The following ERBB4 variants were observed in gnomAD, a reference collection of about 807,000 sequenced individuals.
The protein encoded by ERBB4 is erb-b2 receptor tyrosine kinase 4, also known as receptor tyrosine-protein kinase erbB-4.
In ERBB4, 42 loss-of-function variants were observed where a neutral mutation model predicts 158.0. That is an observed-to-expected ratio of 0.27 (90% CI 0.21 to 0.34). The LOEUF is 0.34. Among genes scored for constraint, ERBB4 ranks in the 10% least tolerant of loss-of-function variants. The probability of loss-of-function intolerance (pLI) is 1.00; values close to 1 mark genes in which losing one functional copy is unlikely to be tolerated. For synonymous variants in ERBB4, 583 were observed against 558.7 expected (o/e 1.04, Z -0.61); for missense variants, 1,333 against 1,624.1 (o/e 0.82, Z 3.08).
At chr2:211,623,037 AT>A (rs1281657774) in intron 18 of ERBB4, among the ~76,000 whole-genome samples, 2 of 107,338 alleles carry the variant, frequency 1.9e-5, no homozygotes, top group South Asian at 3.4e-4. Flanking sequence ...ATATATATAT[AT>A]ATATATAAAA....
intron 1 of ERBB4, among the ~76,000 whole-genome samples, chr2:212,373,500 A>G (rs1309391034): frequency 5.3e-5 from 8 of 151,896 alleles, no homozygotes; most frequent in African/African-American, 1.9e-4. Context: ...CTCAAGGATT[A>G]TTTCAGAATT....
chr2:212,350,214 TA>T (rs2089193213), intron 1 of ERBB4, among the ~76,000 whole-genome samples: 1 of 152,278 alleles, frequency 6.6e-6, no homozygotes, highest in East Asian at 1.9e-4. Context: ...ATGTGTGATA[TA>T]TTCTTTATGT....
chr2:211,604,822 C>T (rs771427770), intron 19 of ERBB4, among the ~76,000 whole-genome samples: 1 of 152,040 alleles, frequency 6.6e-6, no homozygotes, highest in Non-Finnish European at 1.5e-5. Flanking sequence ...ATAGAAATAC[C>T]TTAAAACCTT....
At chr2:212,215,482 T>C (rs1025112324) in intron 1 of ERBB4, among the ~76,000 whole-genome samples, 1 of 151,468 alleles carries the variant, frequency 6.6e-6, no homozygotes, top group African/African-American at 2.4e-5. Flanking sequence ...AAATGAGTTA[T>C]GATTTCTTAA....
intron 20 of ERBB4, among the ~76,000 whole-genome samples, chr2:211,447,008 A>T (rs1816531): frequency 0.35 from 52,844 of 152,032 alleles, 9,718 homozygotes; most frequent in Non-Finnish European, 0.4. Context: ...GAAAGCGTAA[A>T]ACAACAAAGC....
At chr2:212,288,787 AG>A (rs1413131082) in intron 1 of ERBB4, among the ~76,000 whole-genome samples, 2 of 152,052 alleles carry the variant, frequency 1.3e-5, no homozygotes, top group Non-Finnish European at 2.9e-5. Flanking sequence ...TCTTGATCTA[AG>A]GCCCTGGGAA....
At chr2:212,011,650 T>C (rs1261508159) in intron 2 of ERBB4, among the ~76,000 whole-genome samples, 1 of 151,660 alleles carries the variant, frequency 6.6e-6, no homozygotes, top group African/African-American at 2.4e-5. Flanking sequence ...CTCAGGAGGC[T>C]GAGGCAGGAG....
At chr2:211,983,641 T>C (rs1288686782) in intron 2 of ERBB4, among the ~76,000 whole-genome samples, 2 of 152,190 alleles carry the variant, frequency 1.3e-5, no homozygotes, top group African/African-American at 4.8e-5. Flanking sequence ...TTCCACAGCA[T>C]GTCATATTTA....
At chr2:212,196,064 G>T (rs1210748933) in intron 1 of ERBB4, among the ~76,000 whole-genome samples, 1 of 152,026 alleles carries the variant, frequency 6.6e-6, no homozygotes, top group Non-Finnish European at 1.5e-5. Context: ...CAATGCAGAG[G>T]TTAAGGATGC....
intron 2 of ERBB4, among the ~76,000 whole-genome samples, chr2:212,114,164 A>G (rs2079505140): frequency 6.6e-6 from 1 of 152,248 alleles, no homozygotes; most frequent in Non-Finnish European, 1.5e-5. Flanking sequence ...TAATTGTCAT[A>G]GTAGAAGTGC....
chr2:211,418,310 C>T (rs1005806999), intron 25 of ERBB4, among the ~76,000 whole-genome samples: 4 of 151,814 alleles, frequency 2.6e-5, no homozygotes, highest in African/African-American at 7.3e-5. Context: ...TAGAAATTTC[C>T]GTAAAAGTTA....
At chr2:211,726,076 A>G (rs1204117242) in intron 5 of ERBB4, among the ~76,000 whole-genome samples, 1 of 152,172 alleles carries the variant, frequency 6.6e-6, no homozygotes, top group Non-Finnish European at 1.5e-5. Flanking sequence ...TAGGGTATTT[A>G]AGGTATGAAT....
intron 1 of ERBB4, among the ~76,000 whole-genome samples, chr2:212,259,611 C>T (rs2084860225): frequency 6.6e-6 from 1 of 152,026 alleles, no homozygotes; most frequent in African/African-American, 2.4e-5. Context: ...TAATAAGTTC[C>T]AATTTCTAAA....
chr2:212,228,101 C>T (rs552921764), intron 1 of ERBB4, among the ~76,000 whole-genome samples: 35 of 152,228 alleles, frequency 2.3e-4, no homozygotes, highest in Admixed American at 6.5e-4. Context: ...TCCTTTTCAC[C>T]TCCCCCTCCT....
chr2:212,314,454 T>C (rs554995701), intron 1 of ERBB4, among the ~76,000 whole-genome samples: 1 of 149,832 alleles, frequency 6.7e-6, no homozygotes, highest in Non-Finnish European at 1.5e-5. Flanking sequence ...AAAAGAAAAA[T>C]GAAACAGTTA....
intron 3 of ERBB4, among the ~76,000 whole-genome samples, chr2:211,798,074 T>C (rs1270172338): frequency 6.6e-6 from 1 of 151,986 alleles, no homozygotes; most frequent in Admixed American, 6.6e-5. Context: ...TACATCTGTA[T>C]CAAGCAGCCG....
At chr2:212,255,996 T>A (rs1472884177) in intron 1 of ERBB4, among the ~76,000 whole-genome samples, 19 of 14,392 alleles carry the variant, frequency 1.3e-3, no homozygotes, top group African/African-American at 1.9e-3. Flanking sequence ...AAGTTTTATT[T>A]ATTTATTTTT....
chr2:212,137,498 G>T (rs1361720690), intron 1 of ERBB4, among the ~76,000 whole-genome samples: 1 of 152,074 alleles, frequency 6.6e-6, no homozygotes, highest in African/African-American at 2.4e-5. Context: ...CTCTGCCAAG[G>T]ACATAATCTT....
chr2:211,689,425 T>C (rs560494274), intron 12 of ERBB4, among the ~76,000 whole-genome samples: 2 of 152,222 alleles, frequency 1.3e-5, no homozygotes, highest in South Asian at 2.1e-4. Context: ...TCTCGAACTC[T>C]GGGCTCAAGA....
Sources: allele counts gnomAD v4.1 joint callset (sites outside exome capture counted in the v4.1 genomes callset), GRCh38; gene constraint gnomAD v4.1.1; transcripts MANE v1.5; gene names NCBI Gene and HGNC (gene_info 2026-07-23, HGNC 2026-07-21).